NAGPA: variants seen among roughly 807,000 people sequenced by gnomAD.
The protein encoded by NAGPA is N-acetylglucosamine-1-phosphodiester alpha-N-acetylglucosaminidase.
Under a neutral mutation model 48.5 loss-of-function variants are expected in NAGPA, and 56 were observed. That is an observed-to-expected ratio of 1.15 (90% CI 0.93 to 1.44). NAGPA has a LOEUF of 1.44. Among genes scored for constraint, NAGPA ranks in the 40% most tolerant of loss-of-function variants. NAGPA has a pLI of 0.00. For missense variants in NAGPA, 888 were observed against 735.0 expected (o/e 1.21, Z -2.41); for synonymous variants, 399 against 315.5 (o/e 1.26, Z -2.81).
At chr16:5,026,014 C>T (rs1389222326) in intron 9 of NAGPA, among the ~76,000 whole-genome samples, 4 of 151,684 alleles carry the variant, frequency 2.6e-5, no homozygotes, top group African/African-American at 7.3e-5. Flanking sequence ...CTGCAATCTC[C>T]GCCTCCTGGC....
chr16:5,028,016 G>T lies in NAGPA; in HGVS notation c.1090C>A (p.Pro364Thr), dbSNP rs548877316. ...AGTCCGTGCTGGCTGCAGTTAGAGG[G>T]GCCACAGTCCAGCTCATCACAGCCG... is the stretch of plus-strand genomic sequence containing the variant. ...GPGCDELDCG[P>T]SNCSQHGLCT... The change falls in exon 6 of 10, where the codon CCC (proline) becomes ACC (threonine). Residue 364 changes from proline (P) to threonine (T), a missense_variant. Transcript: ENST00000312251. 8 of 1,613,766 alleles carry T rather than the reference G, an allele frequency of 5.0e-6. No homozygotes were observed. The South Asian group carries it at 8.8e-5, about 18-fold the overall frequency.
chr16:5,033,567 G>T lies in NAGPA; in HGVS notation c.248C>A (p.Ser83Ter). The change falls in exon 2 of 10, where the codon TCG (serine) becomes TAG (stop). Residue 83 changes from serine (S) to a stop codon, truncating the protein, a stop_gained. Transcript: ENST00000312251. LOFTEE classifies it high-confidence loss of function. The surrounding 1 kb of genome is among the most constrained non-coding windows in gnomAD (Gnocchi z 4.2). The stretch of plus-strand genomic sequence containing the variant: ...GGCCACCGCGCGGTCCCTGAAGTGC[G>T]ACACGAAGGTGCGCACGGCCAGACC... ...AGGLAVRTFV[S>*]HFRDRAVAGH... The T allele has an allele frequency of 6.7e-7, 1 of 1,500,294 alleles. No homozygotes were observed. The highest frequency in any genetic ancestry group is 8.8e-7 in the Non-Finnish European group (1 of 1,134,052). 92.9% of individuals were successfully genotyped at this position (1,500,294 alleles called of 1,614,324 possible).
In NAGPA at chr16:5,025,549, C is replaced by A. The variant is rs761710720; in HGVS notation, c.1477G>T (p.Glu493Ter). The part of the protein sequence containing the change: ...HGDYAYHPLQ[E>*]MNGEPLAAEK... ...GCGGCCAGAGGCTCCCCGTTCATCT[C>A]CTGCAGCGGGTGGTATGCATAGTCC... Residue 493 changes from glutamate (E) to a stop codon, truncating the protein, a stop_gained, in exon 10 of 10, where the codon GAG (glutamate) becomes TAG (stop). Transcript: ENST00000312251. LOFTEE classifies it high-confidence loss of function. The A allele has an allele frequency of 6.2e-7, 1 of 1,613,418 alleles. No individual in the cohort carries two copies. Among genetic ancestry groups the A allele is most frequent in the Non-Finnish European group, 8.5e-7 (1 of 1,180,016 alleles).
chr16:5,031,538 C>T (rs1329047167), intron 3 of NAGPA: 3 of 677,140 alleles, frequency 4.4e-6, no homozygotes, highest in Non-Finnish European at 7.6e-6. Context: ...GAGCACTTAT[C>T]AATTCTTTTC....
chr16:5,033,698 G>A lies in NAGPA; in HGVS notation c.117C>T (p.Pro39=), dbSNP rs1212317342. The part of the protein sequence containing the change: ...GASRDDDLLL[P]YPRARARLPR... Reference sequence around the variant, plus strand: ...GGAGGCGCGCGCGCGCGCGTGGATAGGGCAGTAGCAAGTCGTCGTCGCGGG... The same window carrying A: ...GGAGGCGCGCGCGCGCGCGTGGATAAGGCAGTAGCAAGTCGTCGTCGCGGG... The change falls in exon 2 of 10, where the codon CCC becomes CCT. Residue 39 remains proline (P), a synonymous_variant. Transcript: ENST00000312251. The surrounding 1 kb of genome is among the most constrained non-coding windows in gnomAD (Gnocchi z 4.2). The A allele has an allele frequency of 1.2e-6, 2 of 1,601,554 alleles. No homozygotes were observed. Among genetic ancestry groups the A allele is most frequent in the South Asian group, 1.1e-5 (1 of 90,502 alleles).
Position 5,028,196 on chromosome 16 carries a change from A to G in NAGPA, c.921-11T>C. On this transcript the variant is annotated splice_polypyrimidine_tract_variant and intron_variant, in intron 5 of 9. Transcript: ENST00000312251. ...CACATGTTGTCCTGGCTGTAGAGGGATGTGATGTGTGAGGAGAGGACACCC... is the reference window on the plus strand; with the variant it reads ...CACATGTTGTCCTGGCTGTAGAGGGGTGTGATGTGTGAGGAGAGGACACCC... 1.3e-6 allele frequency: 2 copies of G among 1,554,110 alleles called. No homozygotes were observed. The highest frequency in any genetic ancestry group is 1.7e-6 in the Non-Finnish European group (2 of 1,148,330).
rs375416975 is a variant in NAGPA, at chr16:5,033,746, C to G, written c.87-18G>C. The G allele has an allele frequency of 1.4e-4, 224 of 1,599,108 alleles. No individual in the cohort carries two copies. Among genetic ancestry groups the G allele is most frequent in the Middle Eastern group, 2.0e-4 (1 of 5,026 alleles). On this transcript the variant is annotated intron_variant, in intron 1 of 9. Transcript: ENST00000312251. The surrounding 1 kb of genome is among the most constrained non-coding windows in gnomAD (Gnocchi z 4.2). ...GGGAGGCCCTGCGGGGACGGGCGGC[C>G]GTGAGCTCAGGGGGCTGTCCTCGTG... is the stretch of plus-strand genomic sequence containing the variant.
chr16:5,025,426 G>A lies in NAGPA; in HGVS notation c.*52C>T, dbSNP rs13380613. On this transcript the variant is annotated 3_prime_UTR_variant, in exon 10 of 10. Transcript: ENST00000312251. ...CTTGAAATTTCCCCTGCAGAAGCCA[G>A]ACCGTGGGGAAACAAGCTTTCGCGA... 1.2e-6 allele frequency: 2 copies of A among 1,600,236 alleles called. No individual in the cohort carries two copies. Among genetic ancestry groups the A allele is most frequent in the Non-Finnish European group, 1.7e-6 (2 of 1,171,662 alleles).
chr16:5,030,556 T>G, intron 3 of NAGPA, 63 bp from the exon 4 acceptor site: 1 of 1,336,524 alleles, frequency 7.5e-7, no homozygotes, highest in Admixed American at 2.0e-5. Context: ...CTTGCCTAAC[T>G]CCACTTCCCA....
chr16:5,033,391 G>T lies in NAGPA; in HGVS notation c.424C>A (p.Arg142Ser), dbSNP rs756481058. 6.3e-7 allele frequency: 1 copy of T among 1,596,742 alleles called. No individual in the cohort carries two copies. Among genetic ancestry groups the T allele is most frequent in the Non-Finnish European group, 8.5e-7 (1 of 1,179,206 alleles). The change falls in exon 2 of 10, where the codon CGC becomes AGC. Residue 142 changes from arginine to serine, a missense_variant. Physicochemically the swap from Arg to Ser is moderately radical, Grantham distance 110. Coordinates refer to ENST00000312251, the MANE Select transcript of NAGPA (RefSeq NM_016256.4). This position sits in a 1 kb window ranked among gnomAD's most constrained non-coding sequence, Gnocchi z 4.2. The stretch of plus-strand genomic sequence containing the variant: ...CCCAGGCACTCGCCCGAGTTCATGC[G>T]GAAGAAGCCGCCGTTCTGGGCGACA... ...CRVAQNGGFF[R>S]MNSGECLGNV...
At position 5,033,887 on chromosome 16, in the gene NAGPA, G is replaced by A. The variant is rs911192297; in HGVS notation, c.28C>T (p.Leu10Phe). MATSTGRWL[L>F]LRLALFGFLW... Reference sequence around the variant, plus strand: ...AAGCCGAATAGTGCAAGCCGGAGGAGAAGCCAGCGACCCGTGGAGGTCGCC... The same window carrying A: ...AAGCCGAATAGTGCAAGCCGGAGGAAAAGCCAGCGACCCGTGGAGGTCGCC... The change falls in exon 1 of 10, where the codon CTC (leucine) becomes TTC (phenylalanine). Residue 10 changes from leucine (L) to phenylalanine (F), a missense_variant. Leu to Phe is a conservative substitution (Grantham distance 22). Coordinates refer to ENST00000312251, the MANE Select transcript of NAGPA (RefSeq NM_016256.4). The surrounding 1 kb of genome is among the most constrained non-coding windows in gnomAD (Gnocchi z 4.2). The A allele has an allele frequency of 6.5e-6, 10 of 1,549,206 alleles. No individual in the cohort carries two copies. In the South Asian group the frequency reaches 7.1e-5, roughly 11 times the overall value.
Position 5,028,156 on chromosome 16 carries a change from TGGC to T in NAGPA, c.947_949del (p.Arg316del). 6.3e-7 allele frequency: 1 copy of T among 1,580,640 alleles called. No homozygotes were observed. The highest frequency in any genetic ancestry group is 8.6e-7 in the Non-Finnish European group (1 of 1,163,106). The stretch of plus-strand genomic sequence containing the variant: ...GTGCACACACACCACGGTGGACACT[TGGC>T]GGGGACAGCGCCACATGTTGTCCTG... On this transcript the variant is annotated inframe_deletion, in exon 6 of 10. Transcript: ENST00000312251.
At chr16:5,028,515 G>T in intron 5 of NAGPA, 4 of 600,544 alleles carry the variant, frequency 6.7e-6, no homozygotes, top group Non-Finnish European at 1.2e-5. Flanking sequence ...GATTCCAGGC[G>T]TGAGCCCCTG....
chr16:5,032,490 C>G (rs866443490), intron 2 of NAGPA, among the ~76,000 whole-genome samples: 4 of 126,626 alleles, frequency 3.2e-5, no homozygotes, highest in Non-Finnish European at 7.0e-5. Flanking sequence ...CCCACTCCCC[C>G]GTTCCCCACC....
rs1221687376 is a variant in NAGPA at position 5,033,330 on chromosome 16, G to A, written c.485C>T (p.Ser162Phe). 3.1e-6 allele frequency: 5 copies of A among 1,597,580 alleles called. No individual in the cohort carries two copies. Among genetic ancestry groups the A allele is most frequent in the Non-Finnish European group, 4.2e-6 (5 of 1,179,506 alleles). Residue 162 changes from serine to phenylalanine, a missense_variant, in exon 2 of 10, where the codon TCC becomes TTC. Physicochemically the swap from Ser to Phe is radical, Grantham distance 155. Transcript: ENST00000312251. The surrounding 1 kb of genome is among the most constrained non-coding windows in gnomAD (Gnocchi z 4.2). The stretch of plus-strand genomic sequence containing the variant: ...GAACTGCGCGTTCTGCAGCCCCCCG[G>A]AGCTGCTCACCCGCCGCTCGTCGCT... Reference protein sequence around the residue: ...VVSDERRVSSSGGLQNAQFGI... With the variant: ...VVSDERRVSSFGGLQNAQFGI...
chr16:5,027,729 G>T, intron 7 of NAGPA, 117 bp downstream of exon 7: 1 of 1,438,154 alleles, frequency 7.0e-7, no homozygotes, highest in East Asian at 2.5e-5. Context: ...GGCCGGGGCA[G>T]AAGACAAGAG....
At chr16:5,028,230 C>G in intron 5 of NAGPA, 45 bp from the exon 6 acceptor site, 1 of 1,542,894 alleles carries the variant, frequency 6.5e-7, no homozygotes, top group South Asian at 1.2e-5. Context: ...CCCCAGACGG[C>G]CCCTCAACTC....
At chr16:5,032,064 G>A (rs1323153164) in intron 2 of NAGPA, among the ~76,000 whole-genome samples, 180 bp from the exon 3 acceptor site, 1 of 152,152 alleles carries the variant, frequency 6.6e-6, no homozygotes, top group African/African-American at 2.4e-5. Flanking sequence ...TGTTGTCAGA[G>A]CTGAAGCTGG....
At chr16:5,029,996 A>G in intron 4 of NAGPA, 1 of 338,340 alleles carries the variant, frequency 3.0e-6, no homozygotes, top group Admixed American at 4.5e-5. Flanking sequence ...CAACCAGAGC[A>G]AACCAAAACA....
Sources: gnomAD v4.1 joint callset for allele counts (sites outside exome capture counted in the v4.1 genomes callset) on GRCh38, gnomAD v4.1.1 for gene constraint, Gnocchi (gnomAD v3.1) non-coding constraint, MANE v1.5 for transcripts, NCBI Gene and HGNC (gene_info 2026-07-23, HGNC 2026-07-21) for gene names.